KCNQ5: variants seen among roughly 807,000 people sequenced by gnomAD.
KCNQ5 encodes the protein potassium voltage-gated channel subfamily KQT member 5.
KCNQ5 carries 30 observed loss-of-function variants against 98.2 expected under a neutral mutation model. The ratio of observed to expected loss-of-function variants is 0.31; its 90% CI spans 0.23 to 0.41. The LOEUF is 0.41. KCNQ5 is among the 10% of genes least tolerant of loss of function. KCNQ5 has a pLI of 1.00. For synonymous variants in KCNQ5, 458 were observed against 449.4 expected (o/e 1.02, Z -0.24); for missense variants, 835 against 1,182.5 (o/e 0.71, Z 4.31).
chr6:73,141,299 A>G (rs1776699575), intron 10 of KCNQ5, among the ~76,000 whole-genome samples: 1 of 152,186 alleles, frequency 6.6e-6, no homozygotes, highest in Non-Finnish European at 1.5e-5. Context: ...CCACCTCTTA[A>G]TACTATCACT....
intron 1 of KCNQ5, among the ~76,000 whole-genome samples, chr6:72,851,449 A>G (rs1020504040): frequency 6.6e-6 from 1 of 152,154 alleles, no homozygotes; most frequent in African/African-American, 2.4e-5. Flanking sequence ...AAGCAAGCCC[A>G]GCTATTGGTC....
chr6:73,105,501 C>T (rs1211636084), intron 6 of KCNQ5, 134 bp downstream of exon 6: 1 of 469,558 alleles, frequency 2.1e-6, no homozygotes, highest in African/African-American at 2.0e-5. Flanking sequence ...ATAATGTTGA[C>T]TTTTCTAAAT....
chr6:73,064,337 T>C (rs986604886), intron 3 of KCNQ5, among the ~76,000 whole-genome samples: 1 of 151,988 alleles, frequency 6.6e-6, no homozygotes, highest in Admixed American at 6.6e-5. Flanking sequence ...AAAAAGGGAG[T>C]ATTATAAATT....
chr6:73,195,269 C>A lies in KCNQ5; in HGVS notation c.2654C>A (p.Thr885Asn), dbSNP rs764807349. Reference protein sequence around the residue: ...EVGPEETETDTFDAAPQPARE... With the variant: ...EVGPEETETDNFDAAPQPARE... The stretch of plus-strand genomic sequence containing the variant: ...GGTCCCGAAGAGACAGAGACAGACA[C>A]TTTTGATGCCGCACCGCAGCCTGCC... Residue 885 changes from threonine (T) to asparagine (N), a missense_variant, in exon 14 of 14, where the codon ACT becomes AAT. Transcript: ENST00000370398. 7 of 1,614,186 alleles carry A rather than the reference C, an allele frequency of 4.3e-6. No individual in the cohort carries two copies. In the Admixed American group the frequency reaches 1.2e-4, roughly 27 times the overall value.
intron 1 of KCNQ5, among the ~76,000 whole-genome samples, chr6:72,638,221 A>T (rs1279818768): frequency 6.6e-6 from 1 of 152,204 alleles, no homozygotes; most frequent in African/African-American, 2.4e-5. Flanking sequence ...TTCACTCAGT[A>T]GAATGGCTCC....
chr6:73,025,847 A>T (rs944501377), intron 2 of KCNQ5, among the ~76,000 whole-genome samples: 3 of 152,148 alleles, frequency 2.0e-5, no homozygotes, highest in African/African-American at 4.8e-5. Context: ...CACGTTGAGG[A>T]CCAGGGCTGA....
intron 1 of KCNQ5, among the ~76,000 whole-genome samples, chr6:72,832,688 T>G (rs1294936811): frequency 1.3e-5 from 2 of 152,224 alleles, no homozygotes; most frequent in East Asian, 3.8e-4. Flanking sequence ...CAAGGGTCTC[T>G]AATTCTTCCT....
chr6:72,783,520 T>C (rs576268546), intron 1 of KCNQ5, among the ~76,000 whole-genome samples: 65 of 152,330 alleles, frequency 4.3e-4, no homozygotes, highest in African/African-American at 1.5e-3. Context: ...GTGGGATGTG[T>C]CTTTGCCTGT....
At chr6:73,188,876 G>A (rs1274482749) in intron 11 of KCNQ5, among the ~76,000 whole-genome samples, 17 of 151,614 alleles carry the variant, frequency 1.1e-4, no homozygotes, top group African/African-American at 2.2e-4. Context: ...CCAGCTACTC[G>A]GGAGGCTGAG....
chr6:73,004,785 T>C lies in KCNQ5; in HGVS notation c.489+787T>C, dbSNP rs183060313. ...TCAGATTTGACAGTCTTAGAGCTAT[T>C]TGAATGAACTACAAACTGGAACAGC... On this transcript the variant is annotated intron_variant, in intron 2 of 13. Transcript: ENST00000370398. Among the ~76,000 whole-genome samples, 5 of 152,282 alleles carry C rather than the reference T, an allele frequency of 3.3e-5. No homozygotes were observed. In the East Asian group the frequency reaches 7.7e-4, roughly 23 times the overall value.
At chr6:73,020,674 A>T (rs994380284) in intron 2 of KCNQ5, among the ~76,000 whole-genome samples, 4 of 152,110 alleles carry the variant, frequency 2.6e-5, no homozygotes, top group African/African-American at 9.7e-5. Context: ...CTTTCTGGTG[A>T]CCAGCCTCCA....
chr6:73,137,447 A>C (rs1776517594), intron 10 of KCNQ5, among the ~76,000 whole-genome samples: 1 of 152,204 alleles, frequency 6.6e-6, no homozygotes, highest in Non-Finnish European at 1.5e-5. Context: ...TATGAATCAT[A>C]TTTTTAACTG....
At chr6:72,877,034 A>G (rs1778433453) in intron 1 of KCNQ5, among the ~76,000 whole-genome samples, 1 of 148,216 alleles carries the variant, frequency 6.7e-6, no homozygotes, top group Non-Finnish European at 1.5e-5. Context: ...CTTAATTATC[A>G]CTCTCACCCA....
intron 1 of KCNQ5, among the ~76,000 whole-genome samples, chr6:72,629,952 G>A (rs902569788): frequency 6.6e-6 from 1 of 151,940 alleles, no homozygotes; most frequent in Admixed American, 6.5e-5. Context: ...TGTCTGAAGA[G>A]TGAGCTTCCC....
chr6:72,710,267 C>T (rs1769297187), intron 1 of KCNQ5, among the ~76,000 whole-genome samples: 1 of 152,126 alleles, frequency 6.6e-6, no homozygotes, highest in Non-Finnish European at 1.5e-5. Flanking sequence ...ATTTAACTCT[C>T]AATGTAGCAA....
intron 1 of KCNQ5, among the ~76,000 whole-genome samples, chr6:72,635,682 T>G (rs1252670295): frequency 2.0e-5 from 3 of 149,112 alleles, no homozygotes; most frequent in Non-Finnish European, 4.5e-5. Context: ...TTTTTTTTTT[T>G]TTTTTTTTTT....
intron 1 of KCNQ5, among the ~76,000 whole-genome samples, chr6:72,846,621 G>A (rs112204543): frequency 0.013 from 1,911 of 152,274 alleles, 22 homozygotes; most frequent in Non-Finnish European, 0.022. Context: ...CAAGGCTATA[G>A]TGAGCCACCA....
At chr6:72,773,980 A>G (rs907256308) in intron 1 of KCNQ5, among the ~76,000 whole-genome samples, 1 of 152,164 alleles carries the variant, frequency 6.6e-6, no homozygotes, top group South Asian at 2.1e-4. Flanking sequence ...CATCTTATTT[A>G]TGACAAAGAT....
At chr6:72,789,240 C>A (rs1773907983) in intron 1 of KCNQ5, among the ~76,000 whole-genome samples, 1 of 152,142 alleles carries the variant, frequency 6.6e-6, no homozygotes, top group Admixed American at 6.5e-5. Context: ...TCACTGCAAC[C>A]TCCGCCTCTA....
Sources: gnomAD v4.1 joint callset for allele counts (sites outside exome capture counted in the v4.1 genomes callset) on GRCh38, gnomAD v4.1.1 for gene constraint, MANE v1.5 for transcripts, NCBI Gene and HGNC (gene_info 2026-07-23, HGNC 2026-07-21) for gene names.